The following AMPH variants were observed in gnomAD, a reference collection of about 807,000 sequenced individuals.
AMPH encodes the protein amphiphysin (Stiff-Mann syndrome with breast cancer 128kD autoantigen).
AMPH carries 49 observed loss-of-function variants against 99.1 expected under a neutral mutation model. That is an observed-to-expected ratio of 0.49 (90% CI 0.39 to 0.63). The LOEUF (loss-of-function observed/expected upper bound fraction) is 0.63, where lower values mean the gene tolerates loss of function less well. Among genes scored for constraint, AMPH ranks in the 20% least tolerant of loss-of-function variants. The pLI is 0.00. For synonymous variants in AMPH, 314 were observed against 317.3 expected (o/e 0.99, Z 0.11); for missense variants, 759 against 863.4 (o/e 0.88, Z 1.52).
rs374479076 is a variant in AMPH at position 38,595,006 on chromosome 7, C to A, written c.69+36277G>T. On this transcript the variant is annotated intron_variant, in intron 1 of 20. Transcript: ENST00000356264. ...TGGTGTACATTACATGTGAAATGTACCAGAAAGAACACAAACAGCCTTTGC... is the reference window on the plus strand; with the variant it reads ...TGGTGTACATTACATGTGAAATGTAACAGAAAGAACACAAACAGCCTTTGC... 2.6e-5 allele frequency among the ~76,000 whole-genome samples: 4 copies of A among 152,176 alleles called. No homozygotes were observed. In the East Asian group the frequency reaches 7.7e-4, roughly 29 times the overall value.
chr7:38,397,268 A>C (rs1469155043), intron 17 of AMPH, among the ~76,000 whole-genome samples: 1 of 152,246 alleles, frequency 6.6e-6, no homozygotes, highest in Non-Finnish European at 1.5e-5. Flanking sequence ...TTGATACTAC[A>C]TCTCTGGGAG....
chr7:38,518,290 AC>A (rs1487158516), intron 2 of AMPH, among the ~76,000 whole-genome samples: 5 of 152,342 alleles, frequency 3.3e-5, no homozygotes, highest in African/African-American at 1.2e-4. Flanking sequence ...CAGAGGTGTC[AC>A]AGAATCTCTA....
At chr7:38,465,571 G>T in intron 8 of AMPH, 22 bp from the exon 9 acceptor site, 2 of 1,555,820 alleles carry the variant, frequency 1.3e-6, no homozygotes, top group Non-Finnish European at 1.7e-6. Context: ...GAGGCCACTT[G>T]TCTATTAGTC....
At chr7:38,595,090 G>T (rs1584285479) in intron 1 of AMPH, among the ~76,000 whole-genome samples, 1 of 152,162 alleles carries the variant, frequency 6.6e-6, no homozygotes, top group East Asian at 1.9e-4. Context: ...AATGGCCAGG[G>T]CTCTGAGCTC....
At chr7:38,581,563 T>C (rs1242880842) in intron 1 of AMPH, among the ~76,000 whole-genome samples, 4 of 152,106 alleles carry the variant, frequency 2.6e-5, no homozygotes, top group Non-Finnish European at 4.4e-5. Context: ...GAAAAGTTGC[T>C]GATATGTTTG....
chr7:38,441,380 T>G (rs1786498365), intron 11 of AMPH, among the ~76,000 whole-genome samples: 1 of 152,174 alleles, frequency 6.6e-6, no homozygotes, highest in African/African-American at 2.4e-5. Context: ...AAATTTGACC[T>G]AATTTACACT....
chr7:38,588,063 C>G (rs182497546), intron 1 of AMPH, among the ~76,000 whole-genome samples: 1 of 151,906 alleles, frequency 6.6e-6, no homozygotes, highest in Non-Finnish European at 1.5e-5. Flanking sequence ...GCGATCCCCC[C>G]ACCTCTGCCT....
intron 1 of AMPH, among the ~76,000 whole-genome samples, chr7:38,542,569 A>G (rs1584226099): frequency 2.0e-5 from 3 of 152,322 alleles, no homozygotes; most frequent in African/African-American, 7.2e-5. Context: ...AGAGGGTTCT[A>G]CATTTGGGAA....
chr7:38,567,105 C>T (rs533013166), intron 1 of AMPH, among the ~76,000 whole-genome samples: 1 of 152,296 alleles, frequency 6.6e-6, no homozygotes, highest in Admixed American at 6.5e-5. Flanking sequence ...TTTATTGTAG[C>T]ACTATTCACA....
chr7:38,473,479 T>C (rs1041742408), intron 7 of AMPH, among the ~76,000 whole-genome samples: 1 of 118,594 alleles, frequency 8.4e-6, no homozygotes, highest in African/African-American at 3.4e-5. Context: ...CCGAGGCGGG[T>C]GGATCATGAG....
chr7:38,417,877 C>A lies in AMPH; in HGVS notation c.1346G>T (p.Gly449Val). The A allele has an allele frequency of 6.2e-7, 1 of 1,614,198 alleles. No individual in the cohort carries two copies. The highest frequency in any genetic ancestry group is 8.5e-7 in the Non-Finnish European group (1 of 1,180,024). ...EPLAAVTPAV[G>V]LDLGMDTRAE... ...CCGAGTGTCCATTCCAAGGTCCAGA[C>A]CAACGGCAGGTGTGACAGCAGCCAG... Residue 449 changes from glycine to valine, a missense_variant, in exon 17 of 21, where the codon GGT becomes GTT. By Grantham distance (109) the Gly-to-Val change is moderately radical. Transcript: ENST00000356264.
At chr7:38,617,379 C>A (rs1793912194) in intron 1 of AMPH, among the ~76,000 whole-genome samples, 1 of 152,220 alleles carries the variant, frequency 6.6e-6, no homozygotes, top group Non-Finnish European at 1.5e-5. Context: ...TGTGGTGACT[C>A]AAAAACTGAA....
At chr7:38,490,645 C>A (rs1379451541) in intron 5 of AMPH, among the ~76,000 whole-genome samples, 1 of 152,102 alleles carries the variant, frequency 6.6e-6, no homozygotes, top group Non-Finnish European at 1.5e-5. Flanking sequence ...AAGGAAAGAT[C>A]AGGTTTTGCT....
chr7:38,492,084 T>A (rs1019778849), intron 4 of AMPH, among the ~76,000 whole-genome samples: 3 of 152,234 alleles, frequency 2.0e-5, no homozygotes, highest in Non-Finnish European at 4.4e-5. Flanking sequence ...CACAGTCTGC[T>A]ATTTGTCACC....
chr7:38,407,092 G>A (rs868003806), intron 17 of AMPH, among the ~76,000 whole-genome samples: 2,084 of 70,264 alleles, frequency 0.03, 19 homozygotes, highest in Non-Finnish European at 0.052. Flanking sequence ...GTGTGTGTGT[G>A]TGTGTGTGTG....
chr7:38,396,633 T>C (rs1211666800), intron 17 of AMPH, among the ~76,000 whole-genome samples: 1 of 152,244 alleles, frequency 6.6e-6, no homozygotes, highest in Non-Finnish European at 1.5e-5. Context: ...CATGAGGGTT[T>C]ATATTTTGGC....
chr7:38,414,621 A>G (rs896639831), intron 17 of AMPH, among the ~76,000 whole-genome samples: 4 of 152,194 alleles, frequency 2.6e-5, no homozygotes, highest in African/African-American at 9.7e-5. Context: ...CCTGCTTTAC[A>G]ACCTGATTCT....
intron 11 of AMPH, among the ~76,000 whole-genome samples, chr7:38,456,910 G>C (rs1010865487): frequency 5.9e-5 from 9 of 152,154 alleles, no homozygotes; most frequent in Admixed American, 2.6e-4. Flanking sequence ...TGGCATCCTT[G>C]TCCTCAGCAA....
intron 1 of AMPH, among the ~76,000 whole-genome samples, chr7:38,624,155 A>G (rs1028651926): frequency 2.2e-4 from 33 of 152,230 alleles, no homozygotes; most frequent in African/African-American, 7.7e-4. Flanking sequence ...AAGCAAGGAC[A>G]TGGAAAGGCA....
Sources: allele counts gnomAD v4.1 joint callset (sites outside exome capture counted in the v4.1 genomes callset), GRCh38; gene constraint gnomAD v4.1.1; transcripts MANE v1.5; gene names NCBI Gene and HGNC (gene_info 2026-07-23, HGNC 2026-07-21).